The following PTPRK variants were observed in gnomAD, a reference collection of about 807,000 sequenced individuals.
The protein encoded by PTPRK is protein tyrosine phosphatase receptor type K, also known as receptor-type tyrosine-protein phosphatase kappa.
PTPRK carries 75 observed loss-of-function variants against 178.0 expected under a neutral mutation model. That is an observed-to-expected ratio of 0.42 (90% CI 0.35 to 0.51). PTPRK has a LOEUF of 0.51. Among genes scored for constraint, PTPRK ranks in the 20% least tolerant of loss-of-function variants. The pLI is 0.02. For synonymous variants in PTPRK, 637 were observed against 620.6 expected (o/e 1.03, Z -0.39); for missense variants, 1,441 against 1,797.8 (o/e 0.80, Z 3.59).
chr6:128,117,784 C>T (rs1410727464), intron 7 of PTPRK, among the ~76,000 whole-genome samples: 1 of 152,014 alleles, frequency 6.6e-6, no homozygotes, highest in Admixed American at 6.6e-5. Flanking sequence ...TCCCAAGTAG[C>T]TAGGATTACA....
intron 6 of PTPRK, among the ~76,000 whole-genome samples, chr6:128,198,458 A>G (rs1475841079): frequency 6.6e-6 from 1 of 151,730 alleles, no homozygotes; most frequent in Non-Finnish European, 1.5e-5. Context: ...AACATTATAC[A>G]CCATGGCCTG....
chr6:128,513,880 T>C (rs182138608), intron 1 of PTPRK, among the ~76,000 whole-genome samples: 89 of 152,292 alleles, frequency 5.8e-4, no homozygotes, highest in African/African-American at 2.1e-3. Flanking sequence ...AATCCCTGGG[T>C]GGGTAGTGAG....
chr6:128,220,242 C>A (rs145800955), intron 5 of PTPRK, among the ~76,000 whole-genome samples: 1 of 151,854 alleles, frequency 6.6e-6, no homozygotes, highest in African/African-American at 2.4e-5. Context: ...AGCCAGAATA[C>A]GTAAAGATCT....
chr6:128,311,010 C>CG (rs1827164327), intron 3 of PTPRK, among the ~76,000 whole-genome samples: 1 of 152,130 alleles, frequency 6.6e-6, no homozygotes, highest in South Asian at 2.1e-4. Flanking sequence ...AAAGTTCCCC[C>CG]GGGATCCCAG....
intron 7 of PTPRK, among the ~76,000 whole-genome samples, chr6:128,166,181 T>G (rs886269657): frequency 6.6e-6 from 1 of 151,724 alleles, no homozygotes; most frequent in Non-Finnish European, 1.5e-5. Context: ...CTGAAGGTTA[T>G]GCATTACGGA....
Position 128,005,097 on chromosome 6 carries a change from G to A in PTPRK, c.2481C>T (p.Asn827=), listed in dbSNP as rs373618059. Residue 827 remains asparagine, a synonymous_variant, in exon 15 of 30, where the codon AAC becomes AAT. Transcript: ENST00000368226. ...TGAAAAACTTACATCTTGGACTAAA[G>A]TTATGTTGGTCCATGAAGGTGATGG... ...PLSITFMDQH[N]FSPRYENHSA... 1.2e-6 allele frequency: 2 copies of A among 1,608,280 alleles called. No individual in the cohort carries two copies. The highest frequency in any genetic ancestry group is 1.7e-6 in the Non-Finnish European group (2 of 1,176,618).
intron 6 of PTPRK, among the ~76,000 whole-genome samples, chr6:128,211,296 T>C (rs1202994064): frequency 6.6e-6 from 1 of 152,198 alleles, no homozygotes; most frequent in African/African-American, 2.4e-5. Context: ...TTTCCCTTTT[T>C]TTCTAAAAAT....
Position 128,276,629 on chromosome 6 carries a change from C to G in PTPRK, c.496-34027G>C, listed in dbSNP as rs1241510438. Among the ~76,000 whole-genome samples, 4 of 152,222 alleles carry G rather than the reference C, an allele frequency of 2.6e-5. No individual in the cohort carries two copies. The East Asian group carries it at 5.8e-4, about 22-fold the overall frequency. ...AAGCAGCTCCCAGTGTAATGTGATT[C>G]AGTAAAACAATTCCATTGGGAGGTA... On this transcript the variant is annotated intron_variant, in intron 3 of 29. Coordinates refer to ENST00000368226, the MANE Select transcript of PTPRK (RefSeq NM_002844.4).
chr6:128,095,941 G>A (rs1161887939), intron 7 of PTPRK, among the ~76,000 whole-genome samples: 2 of 152,072 alleles, frequency 1.3e-5, no homozygotes, highest in Admixed American at 6.6e-5. Context: ...ACATTACCTG[G>A]TTTTCTTTAT....
chr6:128,128,703 A>C (rs145851685), intron 7 of PTPRK, among the ~76,000 whole-genome samples: 148 of 152,346 alleles, frequency 9.7e-4, no homozygotes, highest in African/African-American at 3.5e-3. Flanking sequence ...GAATTCCAAC[A>C]AAATTTTAAG....
chr6:128,433,842 T>TTTA (rs201558224), intron 1 of PTPRK, among the ~76,000 whole-genome samples: 1 of 150,792 alleles, frequency 6.6e-6, no homozygotes, highest in African/African-American at 2.5e-5. Flanking sequence ...TTTTTTTTTT[T>TTTA]ACAGACATTT....
intron 7 of PTPRK, among the ~76,000 whole-genome samples, chr6:128,114,415 CA>C (rs1223320340): frequency 6.6e-6 from 1 of 151,726 alleles, no homozygotes; most frequent in Non-Finnish European, 1.5e-5. Flanking sequence ...GTCAGGAGTT[CA>C]AAACCAGCCT....
chr6:128,264,003 T>C (rs918318012), intron 3 of PTPRK, among the ~76,000 whole-genome samples: 9 of 151,396 alleles, frequency 5.9e-5, no homozygotes, highest in African/African-American at 2.2e-4. Context: ...GAGGTTGGTA[T>C]GAAGCAGACT....
chr6:128,081,076 G>C (rs1422184863), intron 10 of PTPRK, among the ~76,000 whole-genome samples: 1 of 151,872 alleles, frequency 6.6e-6, no homozygotes, highest in Admixed American at 6.6e-5. Flanking sequence ...AATGTTCTCA[G>C]TTTTGTTAGT....
At chr6:128,456,030 T>C (rs868169709) in intron 1 of PTPRK, among the ~76,000 whole-genome samples, 2 of 152,066 alleles carry the variant, frequency 1.3e-5, no homozygotes, top group South Asian at 2.1e-4. Flanking sequence ...TCACCAATTA[T>C]TCATGATAAG....
At chr6:128,316,708 T>A (rs1006299046) in intron 3 of PTPRK, among the ~76,000 whole-genome samples, 1 of 98,504 alleles carries the variant, frequency 1.0e-5, no homozygotes, top group South Asian at 4.3e-4. Flanking sequence ...CTAAGCTTTT[T>A]CTTTTTTTTT....
intron 13 of PTPRK, among the ~76,000 whole-genome samples, chr6:128,024,379 A>T (rs1249266669): frequency 1.3e-5 from 2 of 152,216 alleles, no homozygotes; most frequent in Non-Finnish European, 2.9e-5. Context: ...TTATGAATCA[A>T]TTCTCTTATT....
chr6:128,007,320 A>G (rs1039440176), intron 14 of PTPRK, among the ~76,000 whole-genome samples: 3 of 150,912 alleles, frequency 2.0e-5, no homozygotes, highest in Non-Finnish European at 3.0e-5. Context: ...AACCTGGTCT[A>G]TCTTTAAAAG....
At chr6:128,147,065 T>G (rs1381540332) in intron 7 of PTPRK, among the ~76,000 whole-genome samples, 1 of 152,162 alleles carries the variant, frequency 6.6e-6, no homozygotes, top group Non-Finnish European at 1.5e-5. Flanking sequence ...TGTTATCTTC[T>G]GAGATATTGT....
Sources: gnomAD v4.1 joint callset for allele counts (sites outside exome capture counted in the v4.1 genomes callset) on GRCh38, gnomAD v4.1.1 for gene constraint, MANE v1.5 for transcripts, NCBI Gene and HGNC (gene_info 2026-07-23, HGNC 2026-07-21) for gene names.